Variants in TMC7 observed in about 807,000 individuals in gnomAD.
TMC7 encodes transmembrane channel like 7.
A neutral mutation model predicts 82.9 loss-of-function variants in TMC7; 54 were observed. That is an observed-to-expected ratio of 0.65 (90% CI 0.52 to 0.82). TMC7 has a LOEUF of 0.82. TMC7 is among the 40% of genes least tolerant of loss of function. TMC7 has a pLI of 0.00. For synonymous variants in TMC7, 350 were observed against 337.9 expected (o/e 1.04, Z -0.39); for missense variants, 820 against 901.2 (o/e 0.91, Z 1.15).
At chr16:19,015,570 GTTT>G (rs869231364) in intron 2 of TMC7, among the ~76,000 whole-genome samples, 1 of 139,984 alleles carries the variant, frequency 7.1e-6, no homozygotes, top group Non-Finnish European at 1.6e-5. Flanking sequence ...CTCAAGACAA[GTTT>G]TTTTTTTTTT....
At chr16:19,022,304 A>C (rs564196497) in intron 4 of TMC7, among the ~76,000 whole-genome samples, 1 of 152,246 alleles carries the variant, frequency 6.6e-6, no homozygotes, top group Admixed American at 6.5e-5. Context: ...ATACACAAAC[A>C]TATCTATGTG....
Position 19,038,177 on chromosome 16 carries a change from C to T in TMC7, c.1179+130C>T, listed in dbSNP as rs1409129912. ...GCTGATATGATCAAGACCTGAAAAT[C>T]AGAGGTGATCAGTTTCCACTTTTTT... On this transcript the variant is annotated intron_variant, in intron 8 of 15. Coordinates refer to ENST00000304381, the MANE Select transcript of TMC7 (RefSeq NM_024847.4). 21 of 867,604 alleles carry T rather than the reference C, an allele frequency of 2.4e-5. 1 individual carries two copies. In the Admixed American group the frequency reaches 5.7e-4, roughly 23 times the overall value. The allele number at this position is 867,604 out of a possible 1,614,324, so 53.7% of individuals were successfully genotyped here.
At chr16:19,047,860 C>T (rs1011460172) in intron 12 of TMC7, among the ~76,000 whole-genome samples, 33 of 150,028 alleles carry the variant, frequency 2.2e-4, no homozygotes, top group African/African-American at 6.6e-4. Flanking sequence ...ATTACAGGTG[C>T]GCTGTGATTT....
At chr16:19,002,828 T>C (rs1013646273) in intron 1 of TMC7, among the ~76,000 whole-genome samples, 1 of 152,218 alleles carries the variant, frequency 6.6e-6, no homozygotes, top group Non-Finnish European at 1.5e-5. Flanking sequence ...ACCACAGGAC[T>C]ACAGTGGCCA....
intron 13 of TMC7, among the ~76,000 whole-genome samples, chr16:19,054,022 A>G (rs1354520245): frequency 6.6e-6 from 1 of 151,902 alleles, no homozygotes; most frequent in African/African-American, 2.4e-5. Flanking sequence ...TTCAGTATTC[A>G]GTCATATGAA....
At chr16:19,032,785 G>A (rs749910363) in intron 6 of TMC7, among the ~76,000 whole-genome samples, 13 of 152,044 alleles carry the variant, frequency 8.6e-5, no homozygotes, top group East Asian at 1.9e-4. Context: ...ACGCCACCAC[G>A]ACTGGCTTAA....
At chr16:19,006,342 G>T (rs144901124) in intron 1 of TMC7, among the ~76,000 whole-genome samples, 1 of 152,220 alleles carries the variant, frequency 6.6e-6, no homozygotes, top group East Asian at 1.9e-4. Context: ...GCGCTAGCGT[G>T]CCCAGCTAAT....
At chr16:19,052,795 C>A (rs1488471398) in intron 13 of TMC7, among the ~76,000 whole-genome samples, 1 of 152,112 alleles carries the variant, frequency 6.6e-6, no homozygotes, top group Admixed American at 6.6e-5. Context: ...TCCCTGCAAC[C>A]TCTGCCTCCC....
chr16:18,998,655 G>A (rs1231312152), intron 1 of TMC7, among the ~76,000 whole-genome samples: 1 of 152,026 alleles, frequency 6.6e-6, no homozygotes, highest in Non-Finnish European at 1.5e-5. Context: ...TTGGGAGGCT[G>A]AGGCAGGAGA....
rs149034129 is a variant in TMC7 at position 19,058,129 on chromosome 16, C to T, written c.2028-1287C>T. 7.4e-4 allele frequency among the ~76,000 whole-genome samples: 113 copies of T among 152,224 alleles called. 2 individuals carry two copies. The East Asian group carries it at 0.018, about 24-fold the overall frequency. ...ATTATCAGCCAGGCATAGTGGCTCA[C>T]GCCTGTAATCCCAGCACTTTGGGAG... On this transcript the variant is annotated intron_variant, in intron 14 of 15. Transcript: ENST00000304381.
At chr16:19,044,793 A>C (rs937096009) in intron 9 of TMC7, 91 bp from the exon 10 acceptor site, 3 of 587,110 alleles carry the variant, frequency 5.1e-6, no homozygotes, top group South Asian at 4.6e-5. Flanking sequence ...AAAAAAAAAA[A>C]GGCAGCTTCT....
In TMC7 at chr16:19,059,342, A is replaced by G. The variant is rs1961903509; in HGVS notation, c.2028-74A>G. 5 of 1,568,382 alleles carry G rather than the reference A, an allele frequency of 3.2e-6. No homozygotes were observed. In the Admixed American group the frequency reaches 5.4e-5, roughly 17 times the overall value. ...AAGAGTAAAACTGTTCCAAGGAAAA[A>G]TATGTTGGGTTATTTTTCTATTGGC... is the stretch of plus-strand genomic sequence containing the variant. On this transcript the variant is annotated intron_variant, in intron 14 of 15. Transcript: ENST00000304381.
intron 1 of TMC7, among the ~76,000 whole-genome samples, chr16:18,989,100 G>A (rs2038903681): frequency 6.6e-6 from 1 of 151,792 alleles, no homozygotes; most frequent in Non-Finnish European, 1.5e-5. Context: ...CTATTCTTTG[G>A]ACGTCTTTCA....
intron 9 of TMC7, among the ~76,000 whole-genome samples, chr16:19,042,032 T>G (rs1961035943): frequency 6.6e-6 from 1 of 152,110 alleles, no homozygotes; most frequent in Admixed American, 6.6e-5. Context: ...GAGTTTTTGG[T>G]AGATTCTGTG....
chr16:18,985,716 T>G (rs967925628), intron 1 of TMC7, among the ~76,000 whole-genome samples: 1 of 134,104 alleles, frequency 7.5e-6, no homozygotes, highest in African/African-American at 2.9e-5. Context: ...TTTTTTTTTT[T>G]GATCTTGTAC....
chr16:18,985,471 A>G (rs189232105), intron 1 of TMC7, among the ~76,000 whole-genome samples: 123 of 152,294 alleles, frequency 8.1e-4, no homozygotes, highest in African/African-American at 2.8e-3. Context: ...GCCTTTCAAT[A>G]ACAGCTAGTC....
rs1289454622 is a variant in TMC7, at chr16:19,062,778, C to T, written c.*935C>T. On this transcript the variant is annotated 3_prime_UTR_variant, in exon 16 of 16. Transcript: ENST00000304381. The stretch of plus-strand genomic sequence containing the variant: ...GTTATTGTTTAATGTAATCAGTTTT[C>T]ATTTTAATATCTTTGAAATCTTTTT... The T allele has an allele frequency of 6.6e-6, 1 of 152,592 alleles. No homozygotes were observed. Among genetic ancestry groups the T allele is most frequent in the Non-Finnish European group, 1.5e-5 (1 of 68,020 alleles). 9.5% of individuals were successfully genotyped at this position (152,592 alleles called of 1,614,324 possible). A position where few individuals can be genotyped will look rare whatever the true frequency, so the allele number is the denominator to read the frequency against.
At chr16:18,999,367 G>T (rs1305117760) in intron 1 of TMC7, among the ~76,000 whole-genome samples, 1 of 152,240 alleles carries the variant, frequency 6.6e-6, no homozygotes, top group African/African-American at 2.4e-5. Flanking sequence ...TGCAGATATA[G>T]AACATGCCCT....
chr16:19,018,389 T>A (rs1959807225), intron 3 of TMC7, among the ~76,000 whole-genome samples: 1 of 152,198 alleles, frequency 6.6e-6, no homozygotes, highest in Non-Finnish European at 1.5e-5. Flanking sequence ...CGAACAGGCC[T>A]TCTTGCTGTG....
Sources: gnomAD v4.1 joint callset for allele counts (sites outside exome capture counted in the v4.1 genomes callset) on GRCh38, gnomAD v4.1.1 for gene constraint, MANE v1.5 for transcripts, NCBI Gene and HGNC (gene_info 2026-07-23, HGNC 2026-07-21) for gene names.